The following CTNND2 variants were observed in gnomAD, a reference collection of about 807,000 sequenced individuals.
The protein encoded by CTNND2 is catenin delta-2.
A neutral mutation model predicts 144.4 loss-of-function variants in CTNND2; 22 were observed. The observed-to-expected ratio is 0.15, with a 90% CI of 0.11 to 0.22. The LOEUF (loss-of-function observed/expected upper bound fraction) is 0.22. Ranked by LOEUF, CTNND2 falls within the 10% of genes least tolerant of loss-of-function variation. The pLI is 1.00. For synonymous variants in CTNND2, 751 were observed against 695.6 expected (o/e 1.08, Z -1.25); for missense variants, 1,353 against 1,618.8 (o/e 0.84, Z 2.82).
intron 3 of CTNND2, among the ~76,000 whole-genome samples, chr5:11,416,069 G>A (rs1193078686): frequency 6.6e-6 from 1 of 152,116 alleles, no homozygotes; most frequent in Non-Finnish European, 1.5e-5. Flanking sequence ...ACAAAAAGGT[G>A]AATTCCTAAG....
intron 6 of CTNND2, among the ~76,000 whole-genome samples, chr5:11,395,626 C>T (rs555528690): frequency 6.6e-6 from 1 of 152,274 alleles, no homozygotes; most frequent in East Asian, 1.9e-4. Flanking sequence ...AGGGACAGGC[C>T]CTTTATCTCA....
chr5:11,076,223 G>A (rs188635412), intron 16 of CTNND2, among the ~76,000 whole-genome samples: 3 of 152,356 alleles, frequency 2.0e-5, no homozygotes, highest in Admixed American at 1.3e-4. Context: ...TCTGGGTGCA[G>A]GGAGTAGCCT....
intron 16 of CTNND2, among the ~76,000 whole-genome samples, chr5:11,080,531 C>A (rs902463847): frequency 2.0e-5 from 3 of 152,180 alleles, no homozygotes; most frequent in African/African-American, 7.2e-5. Flanking sequence ...CTCTCATGTT[C>A]ATTCCAGCAT....
chr5:11,157,274 G>A (rs1758307735), intron 12 of CTNND2, among the ~76,000 whole-genome samples: 2 of 152,082 alleles, frequency 1.3e-5, no homozygotes, highest in South Asian at 4.1e-4. Flanking sequence ...TTCAACGCTG[G>A]GTAGCGAGTG....
chr5:11,051,984 G>A (rs1011177727), intron 16 of CTNND2, among the ~76,000 whole-genome samples: 1 of 152,184 alleles, frequency 6.6e-6, no homozygotes, highest in African/African-American at 2.4e-5. Flanking sequence ...AGCACTTAAA[G>A]CATGCACGGT....
At chr5:11,840,156 A>T (rs1163040867) in intron 1 of CTNND2, among the ~76,000 whole-genome samples, 1 of 152,244 alleles carries the variant, frequency 6.6e-6, no homozygotes, top group African/African-American at 2.4e-5. Context: ...AACTCTAAGC[A>T]ACCTATAAAC....
intron 16 of CTNND2, among the ~76,000 whole-genome samples, chr5:11,059,092 G>A (rs947238634): frequency 2.6e-5 from 4 of 152,164 alleles, no homozygotes; most frequent in Non-Finnish European, 5.9e-5. Context: ...GTGGACTTTT[G>A]AGTTAATGCT....
At chr5:11,577,884 A>G (rs558588393) in intron 2 of CTNND2, among the ~76,000 whole-genome samples, 39 of 152,334 alleles carry the variant, frequency 2.6e-4, no homozygotes, top group African/African-American at 8.9e-4. Flanking sequence ...TTGAGGGTCA[A>G]TAGTGTAAAC....
At chr5:11,348,209 C>T (rs1393928837) in intron 8 of CTNND2, among the ~76,000 whole-genome samples, 1 of 152,132 alleles carries the variant, frequency 6.6e-6, no homozygotes, top group Non-Finnish European at 1.5e-5. Context: ...AGAAAATCCG[C>T]TTTATGTCCT....
At chr5:11,499,476 G>C (rs1770330996) in intron 3 of CTNND2, among the ~76,000 whole-genome samples, 1 of 152,092 alleles carries the variant, frequency 6.6e-6, no homozygotes, top group African/African-American at 2.4e-5. Flanking sequence ...ACTGAACTTT[G>C]GTATATCCAT....
chr5:11,813,968 A>G (rs942220300), intron 1 of CTNND2, among the ~76,000 whole-genome samples: 18 of 152,252 alleles, frequency 1.2e-4, no homozygotes, highest in Non-Finnish European at 1.9e-4. Context: ...TGACTTGAGA[A>G]GCATAATCTA....
intron 1 of CTNND2, among the ~76,000 whole-genome samples, chr5:11,806,642 G>T (rs1054155090): frequency 2.0e-5 from 3 of 152,024 alleles, no homozygotes; most frequent in African/African-American, 7.2e-5. Context: ...AAGTTCTTTA[G>T]CATTCTGGGT....
At chr5:11,873,726 G>T (rs1269012327) in intron 1 of CTNND2, among the ~76,000 whole-genome samples, 1 of 152,186 alleles carries the variant, frequency 6.6e-6, no homozygotes. Flanking sequence ...TTCTGCGTGG[G>T]AATTTCCCAA....
chr5:11,310,049 C>T (rs1248961844), intron 9 of CTNND2, among the ~76,000 whole-genome samples: 2 of 152,126 alleles, frequency 1.3e-5, no homozygotes, highest in Non-Finnish European at 1.5e-5. Flanking sequence ...TTATAAGTTA[C>T]TCTATCTCAG....
intron 1 of CTNND2, among the ~76,000 whole-genome samples, chr5:11,741,779 A>G (rs1033163526): frequency 2.7e-5 from 4 of 148,194 alleles, no homozygotes; most frequent in African/African-American, 7.4e-5. Context: ...ATATATATTC[A>G]TATATTATAG....
chr5:11,181,159 A>G (rs1343982306), intron 11 of CTNND2, among the ~76,000 whole-genome samples: 1 of 151,986 alleles, frequency 6.6e-6, no homozygotes, highest in Non-Finnish European at 1.5e-5. Flanking sequence ...CAATGACTGG[A>G]GTGGGAGCCA....
At chr5:11,641,602 A>ATATACATATACGTGTGTGTG (rs1431299773) in intron 2 of CTNND2, among the ~76,000 whole-genome samples, 4 of 140,324 alleles carry the variant, frequency 2.9e-5, no homozygotes, top group Non-Finnish European at 4.5e-5. Context: ...ACGTGTGTGT[A>ATATACATATACGTGTGTGTG]TATACATATA....
chr5:11,425,927 A>G (rs892419717), intron 3 of CTNND2, among the ~76,000 whole-genome samples: 1 of 152,102 alleles, frequency 6.6e-6, no homozygotes, highest in East Asian at 1.9e-4. Flanking sequence ...CCCATCCTCC[A>G]TATCTGATCA....
At chr5:11,469,413 A>G in intron 3 of CTNND2, among the ~76,000 whole-genome samples, 1 of 152,232 alleles carries the variant, frequency 6.6e-6, no homozygotes, top group East Asian at 1.9e-4. Flanking sequence ...GCAAGAGAGT[A>G]CACGAAATCC....
Sources: allele counts gnomAD v4.1 joint callset (sites outside exome capture counted in the v4.1 genomes callset), GRCh38; gene constraint gnomAD v4.1.1; transcripts MANE v1.5; gene names NCBI Gene and HGNC (gene_info 2026-07-23, HGNC 2026-07-21).